NUP155: variants seen among roughly 807,000 people sequenced by gnomAD.
NUP155 encodes nucleoporin 155.
In NUP155, 71 loss-of-function variants were observed where a neutral mutation model predicts 180.4. The ratio of observed to expected loss-of-function variants is 0.39; its 90% CI spans 0.33 to 0.48. The LOEUF (loss-of-function observed/expected upper bound fraction) is 0.48. NUP155 is among the 20% of genes least tolerant of loss of function. NUP155 has a pLI of 0.91. For synonymous variants in NUP155, 582 were observed against 559.5 expected, an observed-to-expected ratio of 1.04 and a Z score of -0.57; for missense variants, 1,553 against 1,648.9, an observed-to-expected ratio of 0.94 and a Z score of 1.01.
intron 22 of NUP155, among the ~76,000 whole-genome samples, chr5:37,313,942 G>A (rs1156454304): frequency 6.6e-6 from 1 of 152,036 alleles, no homozygotes; most frequent in Non-Finnish European, 1.5e-5. Context: ...TCAAATAAAG[G>A]GTAAAGTCCA....
intron 4 of NUP155, among the ~76,000 whole-genome samples, chr5:37,355,559 A>G (rs868806149): frequency 1.4e-5 from 2 of 138,350 alleles, no homozygotes; most frequent in East Asian, 4.0e-4. Flanking sequence ...ATATATATAT[A>G]TATTTATTTA....
chr5:37,351,870 G>A (rs1180219485), intron 5 of NUP155, among the ~76,000 whole-genome samples: 1 of 143,886 alleles, frequency 6.9e-6, no homozygotes, highest in Non-Finnish European at 1.5e-5. Flanking sequence ...CAGAGTGTGT[G>A]AGTGTGTGTG....
At chr5:37,341,328 G>GC (rs1428636489) in intron 10 of NUP155, 86 bp from the exon 11 acceptor site, 15 of 1,063,138 alleles carry the variant, frequency 1.4e-5, no homozygotes, top group Middle Eastern at 4.0e-4. Context: ...ATACAGCAAT[G>GC]CAACACTCTG....
chr5:37,297,759 G>A (rs1742662963), intron 32 of NUP155, among the ~76,000 whole-genome samples: 1 of 151,952 alleles, frequency 6.6e-6, no homozygotes, highest in African/African-American at 2.4e-5. Flanking sequence ...GTATGTATTT[G>A]CTCTTTTATT....
At chr5:37,312,792 T>G (rs1412711243) in intron 22 of NUP155, among the ~76,000 whole-genome samples, 1 of 152,030 alleles carries the variant, frequency 6.6e-6, no homozygotes. Context: ...ATCATGCCAC[T>G]GCACTCCAGC....
intron 7 of NUP155, 33 bp downstream of exon 7, chr5:37,350,127 T>C (rs1746361631): frequency 1.4e-6 from 2 of 1,439,838 alleles, no homozygotes; most frequent in Non-Finnish European, 2.0e-6. Flanking sequence ...TAGAAATTAG[T>C]TGTACTTGCC....
Position 37,291,664 on chromosome 5 carries a change from T to C in NUP155, c.*236A>G. 2.6e-6 allele frequency: 1 copy of C among 386,600 alleles called. No homozygotes were observed. The highest frequency in any genetic ancestry group is 4.7e-6 in the Non-Finnish European group (1 of 213,994). The allele number at this position is 386,600 out of a possible 1,614,324, so 23.9% of individuals were successfully genotyped here. On this transcript the variant is annotated 3_prime_UTR_variant, in exon 35 of 35. Coordinates refer to ENST00000231498, the MANE Select transcript of NUP155 (RefSeq NM_153485.3). ...TTTCTAAATTTTTTTAATCCTTATG[T>C]TAAAATAATAAATAATCTCATTTCA...
chr5:37,346,228 C>T (rs979163335), intron 9 of NUP155, among the ~76,000 whole-genome samples: 2 of 150,766 alleles, frequency 1.3e-5, no homozygotes, highest in African/African-American at 4.9e-5. Context: ...TAGCAGACTA[C>T]AATTGCAACA....
At chr5:37,300,659 G>GTT (rs374899115) in intron 30 of NUP155, among the ~76,000 whole-genome samples, 5 of 151,016 alleles carry the variant, frequency 3.3e-5, no homozygotes, top group African/African-American at 1.2e-4. Context: ...TGGTTTTTTA[G>GTT]TTTTTTTTTC....
At chr5:37,309,321 G>T in intron 23 of NUP155, 54 bp from the exon 24 acceptor site, 2 of 1,448,712 alleles carry the variant, frequency 1.4e-6, no homozygotes, top group Non-Finnish European at 1.9e-6. Flanking sequence ...GCAGACAGAT[G>T]ATGCTGTCAA....
chr5:37,302,992 A>T, intron 28 of NUP155, 84 bp from the exon 29 acceptor site: 1 of 1,421,062 alleles, frequency 7.0e-7, no homozygotes. Flanking sequence ...GTACTGTTTC[A>T]TACCAAACAC....
chr5:37,370,651 A>T, intron 1 of NUP155, 170 bp downstream of exon 1: 1 of 1,574,586 alleles, frequency 6.4e-7, no homozygotes, highest in East Asian at 2.2e-5. Context: ...GAAGAAAGTG[A>T]GGAAAGGAAA....
At chr5:37,357,692 GT>G (rs1347983167) in intron 4 of NUP155, among the ~76,000 whole-genome samples, 4 of 152,094 alleles carry the variant, frequency 2.6e-5, no homozygotes, top group Non-Finnish European at 5.9e-5. Flanking sequence ...GAATACAATT[GT>G]TTAAAAAAGG....
intron 1 of NUP155, chr5:37,370,524 G>A (rs1235539145): frequency 7.9e-6 from 5 of 635,294 alleles, no homozygotes; most frequent in Non-Finnish European, 1.2e-5. Flanking sequence ...CTTCTCATAT[G>A]GCCTTAGCCA....
chr5:37,325,103 A>G (rs1041229649), intron 19 of NUP155, among the ~76,000 whole-genome samples: 3 of 152,160 alleles, frequency 2.0e-5, no homozygotes, highest in African/African-American at 7.2e-5. Flanking sequence ...ATGGGCCGAG[A>G]TAATGCCATT....
At chr5:37,324,278 T>C (rs1227882201) in intron 19 of NUP155, among the ~76,000 whole-genome samples, 171 bp from the exon 20 acceptor site, 1 of 152,214 alleles carries the variant, frequency 6.6e-6, no homozygotes, top group Non-Finnish European at 1.5e-5. Flanking sequence ...CCAGTAACAC[T>C]GATGCATAAC....
intron 32 of NUP155, among the ~76,000 whole-genome samples, chr5:37,297,433 C>T (rs965206869): frequency 6.6e-6 from 1 of 152,122 alleles, no homozygotes; most frequent in African/African-American, 2.4e-5. Flanking sequence ...GGTTGGAGTG[C>T]AGTGGTTCGA....
chr5:37,337,888 T>G lies in NUP155; in HGVS notation c.1277A>C (p.Glu426Ala). The stretch of plus-strand genomic sequence containing the variant: ...GACACACCATAAAATATCATTATCC[T>G]CATTTTCTGAGGCTGCCATCAATAG... ...GILLMAASEN[E>A]DNDILWCVNH... The change falls in exon 12 of 35, where the codon GAG (glutamate) becomes GCG (alanine). Residue 426 changes from glutamate (E) to alanine (A), a missense_variant. Physicochemically the swap from Glu to Ala is moderately radical, Grantham distance 107 (BLOSUM62 -1). Transcript: ENST00000231498. The G allele has an allele frequency of 6.2e-7, 1 of 1,610,034 alleles. No individual in the cohort carries two copies. Among genetic ancestry groups the G allele is most frequent in the Non-Finnish European group, 8.5e-7 (1 of 1,177,758 alleles).
chr5:37,365,772 C>T (rs1467806781), intron 1 of NUP155, among the ~76,000 whole-genome samples: 4 of 134,462 alleles, frequency 3.0e-5, no homozygotes, highest in African/African-American at 1.1e-4. Context: ...CACACACACA[C>T]ACACACACAC....
Sources: gnomAD v4.1 joint callset for allele counts (sites outside exome capture counted in the v4.1 genomes callset) on GRCh38, gnomAD v4.1.1 for gene constraint, MANE v1.5 for transcripts, NCBI Gene and HGNC (gene_info 2026-07-23, HGNC 2026-07-21) for gene names.